The following JUP variants were observed in gnomAD, a reference collection of about 807,000 sequenced individuals.
JUP encodes junction plakoglobin, also known as catenin (cadherin-associated protein), gamma 80kDa.
A neutral mutation model predicts 71.1 loss-of-function variants in JUP; 28 were observed. The ratio of observed to expected loss-of-function variants is 0.39; its 90% CI spans 0.29 to 0.54. The LOEUF is 0.54. Among genes scored for constraint, JUP ranks in the 20% least tolerant of loss-of-function variants. The pLI is 0.62. For synonymous variants in JUP, 401 were observed against 438.9 expected (o/e 0.91, Z 1.08); for missense variants, 869 against 1,030.1 (o/e 0.84, Z 2.14).
At chr17:41,755,944 C>A (rs1913641922) in intron 13 of JUP, 49 bp from the exon 14 acceptor site, 3 of 1,577,072 alleles carry the variant, frequency 1.9e-6, no homozygotes, top group Non-Finnish European at 2.6e-6. Flanking sequence ...AGCTACCCTG[C>A]AGGGAGCAGT....
At chr17:41,764,287 C>A (rs889779870) in intron 7 of JUP, among the ~76,000 whole-genome samples, 4 of 152,188 alleles carry the variant, frequency 2.6e-5, no homozygotes, top group Admixed American at 2.6e-4. Flanking sequence ...GTAATCCCAG[C>A]ACTTTGGGAG....
At chr17:41,765,102 G>A (rs782777121) in intron 5 of JUP, 35 bp from the exon 6 acceptor site, 57 of 1,607,482 alleles carry the variant, frequency 3.5e-5, no homozygotes, top group Non-Finnish European at 4.4e-5. Context: ...TGAGATGGAC[G>A]GGGAATATGA....
intron 10 of JUP, 57 bp from the exon 11 acceptor site, chr17:41,757,841 G>A (rs1163402944): frequency 6.8e-7 from 1 of 1,463,328 alleles, no homozygotes; most frequent in Non-Finnish European, 9.4e-7. Flanking sequence ...AGGCAGGCCG[G>A]ACAACACACC....
intron 4 of JUP, among the ~76,000 whole-genome samples, chr17:41,768,655 C>G (rs533549588): frequency 6.6e-6 from 1 of 152,246 alleles, no homozygotes; most frequent in East Asian, 1.9e-4. Flanking sequence ...GTTCCCTCTG[C>G]CTGGGACACT....
chr17:41,761,299 T>TC (rs1555601095), intron 8 of JUP, among the ~76,000 whole-genome samples: 1 of 152,106 alleles, frequency 6.6e-6, no homozygotes, highest in African/African-American at 2.4e-5. Context: ...CTTCCTAACC[T>TC]CCTTGCACCT....
chr17:41,758,995 T>C (rs903930143), intron 8 of JUP, 125 bp from the exon 9 acceptor site: 9 of 977,188 alleles, frequency 9.2e-6, no homozygotes, highest in Non-Finnish European at 1.3e-5. Flanking sequence ...ACAGACATAC[T>C]GGAAAATATC....
Position 41,757,679 on chromosome 17 carries a change from A to G in JUP, c.1879T>C (p.Ser627Pro). 6.2e-7 allele frequency: 1 copy of G among 1,613,458 alleles called. No individual in the cohort carries two copies. The highest frequency in any genetic ancestry group is 1.3e-5 in the African/African-American group (1 of 74,980). ...AADAIDAEGA[S>P]APLMELLHSR... ...TGCAGCAACTCCATGAGTGGGGCCG[A>G]GGCCCCCTCTGCATCAATGGCGTCG... is the stretch of plus-strand genomic sequence containing the variant. Residue 627 changes from serine (S) to proline (P), a missense_variant, in exon 11 of 14, where the codon TCG (serine) becomes CCG (proline). Transcript: ENST00000393931.
intron 1 of JUP, chr17:41,772,787 C>T: frequency 3.1e-6 from 3 of 980,318 alleles, no homozygotes; most frequent in Non-Finnish European, 3.6e-6. Context: ...GTCAGGAACC[C>T]CTCTCTCTCT....
intron 2 of JUP, among the ~76,000 whole-genome samples, chr17:41,771,222 G>A (rs980904274): frequency 1.3e-5 from 2 of 152,140 alleles, no homozygotes; most frequent in Non-Finnish European, 2.9e-5. Context: ...AGTAGAGACG[G>A]GGTTTCATCA....
In JUP at chr17:41,771,940, C is replaced by T. The variant is rs1032811935; in HGVS notation, c.-8-78G>A. 1.6e-5 allele frequency: 19 copies of T among 1,187,550 alleles called. 1 individual carries two copies. The highest frequency in any genetic ancestry group is 1.5e-5 in the Non-Finnish European group (12 of 821,838). 73.6% of individuals were successfully genotyped at this position (1,187,550 alleles called of 1,614,324 possible). A position where few individuals can be genotyped will look rare whatever the true frequency, so the allele number is the denominator to read the frequency against. On this transcript the variant is annotated intron_variant, in intron 1 of 13. Coordinates refer to ENST00000393931, the MANE Select transcript of JUP (RefSeq NM_002230.4). Reference sequence around the variant, plus strand: ...CCAGCTTCAGCCCGTCACCAAGCCCCGCCTGTCTTCCCACATCATCACCAT... The same window carrying T: ...CCAGCTTCAGCCCGTCACCAAGCCCTGCCTGTCTTCCCACATCATCACCAT...
At chr17:41,767,989 G>A (rs999277131) in intron 4 of JUP, among the ~76,000 whole-genome samples, 1 of 152,248 alleles carries the variant, frequency 6.6e-6, no homozygotes, top group Non-Finnish European at 1.5e-5. Context: ...AAGGCCAGGA[G>A]CAGTGGCTCA....
intron 8 of JUP, among the ~76,000 whole-genome samples, chr17:41,762,158 AGAGAGAGAGAGAGAGAGAGTGTGT>A (rs1305263933): frequency 6.1e-5 from 7 of 115,546 alleles, no homozygotes; most frequent in African/African-American, 1.3e-4. Flanking sequence ...AGAGAGAGAG[AGAGAGAGAGAGAGAGAGAGTGTGT>A]GTGTGTGTGT....
intron 11 of JUP, 39 bp downstream of exon 11, chr17:41,757,595 G>A (rs781862815): frequency 2.5e-6 from 4 of 1,613,950 alleles, no homozygotes. Flanking sequence ...ATCGTGGCTG[G>A]GGGAGTGGGA....
At chr17:41,764,473 T>C (rs1440850060) in intron 7 of JUP, among the ~76,000 whole-genome samples, 2 of 134,722 alleles carry the variant, frequency 1.5e-5, no homozygotes, top group African/African-American at 5.8e-5. Flanking sequence ...AGGCGGAGCT[T>C]GCAGTGAGCC....
Position 41,756,159 on chromosome 17 carries a change from C to G in JUP, c.2086+16G>C. 6.2e-7 allele frequency: 1 copy of G among 1,612,954 alleles called. No homozygotes were observed. The highest frequency in any genetic ancestry group is 8.5e-7 in the Non-Finnish European group (1 of 1,179,342). ...CCAGGATCTCCAGGGTCCTGAAGAGCCCGGCACACACTTACCATCTCCATA... is the reference window on the plus strand; with the variant it reads ...CCAGGATCTCCAGGGTCCTGAAGAGGCCGGCACACACTTACCATCTCCATA... On this transcript the variant is annotated intron_variant, in intron 13 of 13. Coordinates refer to ENST00000393931, the MANE Select transcript of JUP (RefSeq NM_002230.4).
At chr17:41,760,786 C>T (rs1914686286) in intron 8 of JUP, among the ~76,000 whole-genome samples, 1 of 151,910 alleles carries the variant, frequency 6.6e-6, no homozygotes, top group African/African-American at 2.4e-5. Context: ...GTCTCGAACT[C>T]CTAACTTCAG....
intron 4 of JUP, among the ~76,000 whole-genome samples, chr17:41,768,137 G>A (rs1555604810): frequency 2.0e-5 from 3 of 152,164 alleles, no homozygotes; most frequent in South Asian, 2.1e-4. Context: ...GGTGGCAGAC[G>A]CCTATAATCC....
chr17:41,771,381 T>C (rs1311738857), intron 2 of JUP: 3 of 555,538 alleles, frequency 5.4e-6, no homozygotes, highest in Non-Finnish European at 9.7e-6. Flanking sequence ...TGGCTTTTCC[T>C]TCAGACTGGA....
Position 41,765,350 on chromosome 17 carries a change from GT to G in JUP, c.910-284del, listed in dbSNP as rs553424056. 3.4e-5 allele frequency among the ~76,000 whole-genome samples: 5 copies of G among 146,664 alleles called. No homozygotes were observed. The East Asian group carries it at 1.0e-3, about 30-fold the overall frequency. On this transcript the variant is annotated intron_variant, in intron 5 of 13. Coordinates refer to ENST00000393931, the MANE Select transcript of JUP (RefSeq NM_002230.4). ...CACACCCAGCCAAGCACCCCAATAA[GT>G]TTTTTTGTTTTTTTTTTTGAGATAG...
Sources: gnomAD v4.1 joint callset for allele counts (sites outside exome capture counted in the v4.1 genomes callset) on GRCh38, gnomAD v4.1.1 for gene constraint, MANE v1.5 for transcripts, NCBI Gene and HGNC (gene_info 2026-07-23, HGNC 2026-07-21) for gene names.